The following PARP1 variants were observed in gnomAD, a reference collection of about 807,000 sequenced individuals.
The protein encoded by PARP1 is poly [ADP-ribose] polymerase 1.
PARP1 carries 44 observed loss-of-function variants against 118.7 expected under a neutral mutation model. The observed-to-expected ratio is 0.37, with a 90% CI of 0.29 to 0.48. The LOEUF is 0.48. Among genes scored for constraint, PARP1 ranks in the 20% least tolerant of loss-of-function variants. The probability of loss-of-function intolerance (pLI) is 0.99; values close to 1 mark genes in which losing one functional copy is unlikely to be tolerated. For synonymous variants in PARP1, 492 were observed against 483.2 expected, an observed-to-expected ratio of 1.02 and a Z score of -0.24; for missense variants, 1,100 against 1,272.4, an observed-to-expected ratio of 0.86 and a Z score of 2.06.
intron 1 of PARP1, among the ~76,000 whole-genome samples, chr1:226,404,825 C>A (rs979771759): frequency 1.4e-4 from 21 of 152,354 alleles, no homozygotes; most frequent in African/African-American, 5.0e-4. Context: ...CTCACCCAAC[C>A]AGCAGCTGGT....
intron 6 of PARP1, 99 bp downstream of exon 6, chr1:226,386,227 G>T: frequency 1.3e-6 from 1 of 779,366 alleles, no homozygotes; most frequent in Non-Finnish European, 2.3e-6. Flanking sequence ...ACCAGCAGGT[G>T]TTCACACGGA....
chr1:226,391,598 C>A (rs749755943), intron 3 of PARP1, among the ~76,000 whole-genome samples: 3 of 152,190 alleles, frequency 2.0e-5, no homozygotes, highest in Non-Finnish European at 4.4e-5. Flanking sequence ...CCATGTTTTT[C>A]TTTTCTAAAT....
At chr1:226,406,315 C>T (rs1338632431) in intron 1 of PARP1, among the ~76,000 whole-genome samples, 1 of 152,166 alleles carries the variant, frequency 6.6e-6, no homozygotes, top group African/African-American at 2.4e-5. Context: ...TGCCTTCTAC[C>T]TACCATCCCA....
At chr1:226,385,763 GCA>G (rs1664704355) in intron 6 of PARP1, 83 bp from the exon 7 acceptor site, 5 of 1,239,792 alleles carry the variant, frequency 4.0e-6, no homozygotes, top group Non-Finnish European at 5.9e-6. Context: ...GGAGGAACTT[GCA>G]CAGATTCCAC....
At chr1:226,368,462 C>T (rs549565812) in intron 15 of PARP1, 141 bp from the exon 16 acceptor site, 76 of 1,030,038 alleles carry the variant, frequency 7.4e-5, no homozygotes, top group African/African-American at 1.3e-4. Context: ...ACATGGGAAA[C>T]GACCAGAAGA....
In PARP1 at chr1:226,380,023, C is replaced by A; in HGVS notation, c.1442G>T (p.Trp481Leu). Residue 481 changes from tryptophan (W) to leucine (L), a missense_variant, in exon 10 of 23, where the codon TGG (tryptophan) becomes TTG (leucine). Trp to Leu is a moderately conservative substitution (Grantham distance 61). Around this residue, in one of 2 missense-constraint regions of PARP1, gnomAD observed 948 missense variants for 1,031.8 expected, o/e 0.92. Transcript: ENST00000366794. ...ELFLAHILSP[W>L]GAEVKAEPVE... ...AGGCTCTGCCTTCACCTCTGCCCCC[C>A]AAGGGGACAAGATGTGCGCTAAGAA... 3 of 1,614,196 alleles carry A rather than the reference C, an allele frequency of 1.9e-6. No individual in the cohort carries two copies. Among genetic ancestry groups the A allele is most frequent in the African/African-American group, 1.3e-5 (1 of 75,058 alleles).
At position 226,363,968 on chromosome 1, in the gene PARP1, A is replaced by C. The variant is rs1261177999; in HGVS notation, c.2761T>G (p.Leu921Val). 6.2e-7 allele frequency: 1 copy of C among 1,614,056 alleles called. No homozygotes were observed. Among genetic ancestry groups the C allele is most frequent in the Admixed American group, 1.7e-5 (1 of 60,018 alleles). The part of the protein sequence containing the change: ...SQGDPIGLIL[L>V]GEVALGNMYE... The stretch of plus-strand genomic sequence containing the variant: ...ATGTTTCCAAGGGCAACTTCTCCCA[A>C]CAGGATTAAGCCTATTGGGTCTCCC... The change falls in exon 20 of 23, where the codon TTG becomes GTG. Residue 921 changes from leucine to valine, a missense_variant. Coordinates refer to ENST00000366794, the MANE Select transcript of PARP1 (RefSeq NM_001618.4).
chr1:226,380,124 C>T lies in PARP1; in HGVS notation c.1341G>A (p.Lys447=). The part of the protein sequence containing the change: ...EKMNKKMEEV[K]EANIRVVSED... ...CAGACACAACTCGGATGTTGGCTTCCTTTACTTCCTCCATCTTCTTATTCA... is the reference window on the plus strand; with the variant it reads ...CAGACACAACTCGGATGTTGGCTTCTTTTACTTCCTCCATCTTCTTATTCA... The change falls in exon 10 of 23, where the codon AAG becomes AAA. Residue 447 remains lysine (K), a synonymous_variant. Transcript: ENST00000366794. 2 of 1,614,134 alleles carry T rather than the reference C, an allele frequency of 1.2e-6. No homozygotes were observed. The highest frequency in any genetic ancestry group is 1.7e-6 in the Non-Finnish European group (2 of 1,179,980).
intron 14 of PARP1, 39 bp downstream of exon 14, chr1:226,374,187 C>T (rs1453060889): frequency 1.2e-6 from 2 of 1,611,424 alleles, no homozygotes; most frequent in Middle Eastern, 2.1e-4. Context: ...TAATCATCCA[C>T]AGCAAATGCT....
rs1031512913 is a variant in PARP1, at chr1:226,386,380, G to A, written c.780C>T (p.Asp260=). The A allele has an allele frequency of 6.2e-7, 1 of 1,614,036 alleles. No homozygotes were observed. Among genetic ancestry groups the A allele is most frequent in the Non-Finnish European group, 8.5e-7 (1 of 1,179,924 alleles). ...DELKKVCSTN[D]LKELLIFNKQ... ...TGTTGAAGATGAGTAGCTCCTTCAG[G>A]TCATTAGTTGAACACACTTTCTTTA... The change falls in exon 6 of 23, where the codon GAC becomes GAT. Residue 260 remains aspartate (D), a synonymous_variant. Coordinates refer to ENST00000366794, the MANE Select transcript of PARP1 (RefSeq NM_001618.4).
intron 4 of PARP1, 35 bp from the exon 5 acceptor site, chr1:226,388,790 G>A: frequency 6.6e-7 from 1 of 1,525,912 alleles, no homozygotes; most frequent in South Asian, 1.1e-5. Flanking sequence ...GACAGCCAGA[G>A]CCATTAAAAG....
At position 226,383,520 on chromosome 1, in the gene PARP1, G is replaced by A. The variant is rs545966996; in HGVS notation, c.1012-337C>T. 7.9e-5 allele frequency among the ~76,000 whole-genome samples: 12 copies of A among 152,262 alleles called. No individual in the cohort carries two copies. In the South Asian group the frequency reaches 2.3e-3, roughly 29 times the overall value. ...ACTGCTGTATGACTACAACCTCCCTGGCCTCATTCCTGAGTTGCTCCCTTC... is the reference window on the plus strand; with the variant it reads ...ACTGCTGTATGACTACAACCTCCCTAGCCTCATTCCTGAGTTGCTCCCTTC... On this transcript the variant is annotated intron_variant, in intron 7 of 22. Coordinates refer to ENST00000366794, the MANE Select transcript of PARP1 (RefSeq NM_001618.4).
At chr1:226,369,187 A>G (rs1295412650) in intron 15 of PARP1, among the ~76,000 whole-genome samples, 2 of 152,196 alleles carry the variant, frequency 1.3e-5, no homozygotes, top group African/African-American at 4.8e-5. Context: ...GAACAAGGAG[A>G]GAGGTTCACT....
At chr1:226,366,101 T>A (rs757168114) in intron 17 of PARP1, 49 bp from the exon 18 acceptor site, 2 of 1,269,038 alleles carry the variant, frequency 1.6e-6, no homozygotes, top group Non-Finnish European at 2.3e-6. Flanking sequence ...CCAGGAGAGC[T>A]ACAGAGGAGG....
At chr1:226,379,044 C>A in intron 12 of PARP1, 98 bp downstream of exon 12, 1 of 1,431,658 alleles carries the variant, frequency 7.0e-7, no homozygotes, top group South Asian at 1.2e-5. Context: ...TCCCCAGGCA[C>A]TGGGCCTAAC....
chr1:226,362,983 A>C (rs942041800), intron 21 of PARP1, 116 bp downstream of exon 21: 4 of 776,992 alleles, frequency 5.1e-6, no homozygotes, highest in African/African-American at 1.7e-5. Flanking sequence ...AGATAAAATG[A>C]ATCTCCAGCT....
intron 5 of PARP1, among the ~76,000 whole-genome samples, chr1:226,387,580 C>A (rs1275280646): frequency 3.9e-5 from 6 of 152,200 alleles, no homozygotes; most frequent in Non-Finnish European, 2.9e-5. Flanking sequence ...TCCTCTCCAT[C>A]ACACACAGCA....
chr1:226,370,754 T>C (rs1664366123), intron 14 of PARP1: 2 of 579,148 alleles, frequency 3.5e-6, no homozygotes, highest in Non-Finnish European at 6.3e-6. Context: ...TAGCCAACCA[T>C]GTCTCCTCTG....
At chr1:226,403,664 G>A (rs1482669297) in intron 1 of PARP1, among the ~76,000 whole-genome samples, 2 of 152,198 alleles carry the variant, frequency 1.3e-5, no homozygotes, top group African/African-American at 2.4e-5. Context: ...GGGGTTGGGA[G>A]TCACAGAGGC....
Sources: allele counts gnomAD v4.1 joint callset (sites outside exome capture counted in the v4.1 genomes callset), GRCh38; gene constraint gnomAD v4.1.1; regional missense constraint gnomAD v4.1.1; transcripts MANE v1.5; gene names NCBI Gene and HGNC (gene_info 2026-07-23, HGNC 2026-07-21).